The following PLK5 variants were observed in gnomAD, a reference collection of about 807,000 sequenced individuals.
PLK5 encodes the protein polo like kinase 5 (inactive).
Under a neutral mutation model 33.7 loss-of-function variants are expected in PLK5, and 28 were observed. The ratio of observed to expected loss-of-function variants is 0.83; its 90% CI spans 0.62 to 1.14. The LOEUF (loss-of-function observed/expected upper bound fraction) is 1.14, where lower values mean the gene tolerates loss of function less well. Ranked by LOEUF, PLK5 falls within the 50% of genes most tolerant of loss-of-function variation. PLK5 has a pLI of 0.00. For synonymous variants in PLK5, 225 were observed against 202.2 expected (o/e 1.11, Z -0.96); for missense variants, 492 against 461.5 (o/e 1.07, Z -0.61).
rs1423241512 is a variant in PLK5 at position 1,526,987 on chromosome 19, G to A, written c.-10G>A. On this transcript the variant is annotated 5_prime_UTR_variant, in exon 6 of 14. Transcript: ENST00000454744. ...CCTGCCAGTAGGACATCTGGGCTCTGGGCTGCATCATGTGAGTGGGGTCCT... is the reference window on the plus strand; with the variant it reads ...CCTGCCAGTAGGACATCTGGGCTCTAGGCTGCATCATGTGAGTGGGGTCCT... The A allele has an allele frequency of 1.3e-6, 2 of 1,535,206 alleles. No homozygotes were observed. The highest frequency in any genetic ancestry group is 1.2e-5 in the South Asian group (1 of 83,976).
chr19:1,534,664 A>G (rs1000383397), intron 13 of PLK5, among the ~76,000 whole-genome samples: 2 of 144,102 alleles, frequency 1.4e-5, no homozygotes, highest in Admixed American at 6.8e-5. Flanking sequence ...AAAAAAAAAA[A>G]AAATTAGCCG....
Position 1,535,013 on chromosome 19 carries a change from G to A in PLK5, c.826-52G>A, listed in dbSNP as rs1369705899. Reference sequence around the variant, plus strand: ...GTCCTTCTGGAGCGCCACGGCTGGAGGCAGGTGCAGGGGTACCCGTCTCCC... The same window carrying A: ...GTCCTTCTGGAGCGCCACGGCTGGAAGCAGGTGCAGGGGTACCCGTCTCCC... On this transcript the variant is annotated intron_variant, in intron 13 of 13. Coordinates refer to ENST00000454744, the MANE Select transcript of PLK5 (RefSeq NM_001243079.2). 2.8e-6 allele frequency: 4 copies of A among 1,422,166 alleles called. No homozygotes were observed. In the African/African-American group the frequency reaches 5.8e-5, roughly 21 times the overall value. The allele number at this position is 1,422,166 out of a possible 1,614,324, so 88.1% of individuals were successfully genotyped here.
At chr19:1,529,150 G>A in intron 9 of PLK5, 176 bp downstream of exon 9, 1 of 673,312 alleles carries the variant, frequency 1.5e-6, no homozygotes. Flanking sequence ...GTGTCCAAAT[G>A]TGCCCACCTG....
chr19:1,529,546 G>C, intron 10 of PLK5, 56 bp downstream of exon 10: 1 of 1,499,488 alleles, frequency 6.7e-7, no homozygotes, highest in Non-Finnish European at 9.0e-7. Flanking sequence ...GGAATTACAA[G>C]TGACAGGGGG....
chr19:1,532,242 C>A (rs1052338789), intron 12 of PLK5, among the ~76,000 whole-genome samples: 6 of 152,040 alleles, frequency 3.9e-5, no homozygotes, highest in African/African-American at 1.4e-4. Context: ...CCCATCCCTA[C>A]AAAAATTTTA....
In PLK5 at chr19:1,533,928, C is replaced by G; in HGVS notation, c.715-3C>G. ...ACGTGACCTCAGCCGAGTCTGTCCACAGGAGGGGACCCTCCCCACACCTGT... is the reference window on the plus strand; with the variant it reads ...ACGTGACCTCAGCCGAGTCTGTCCAGAGGAGGGGACCCTCCCCACACCTGT... On this transcript the variant is annotated splice_polypyrimidine_tract_variant and splice_region_variant and intron_variant, in intron 12 of 13. Coordinates refer to ENST00000454744, the MANE Select transcript of PLK5 (RefSeq NM_001243079.2). The G allele has an allele frequency of 6.5e-7, 1 of 1,532,662 alleles. No individual in the cohort carries two copies. Among genetic ancestry groups the G allele is most frequent in the South Asian group, 1.2e-5 (1 of 83,932 alleles). 94.9% of individuals were successfully genotyped at this position (1,532,662 alleles called of 1,614,324 possible). A position where few individuals can be genotyped will look rare whatever the true frequency, so the allele number is the denominator to read the frequency against.
chr19:1,535,331 A>ACAGCCCCTCT lies in PLK5; in HGVS notation c.*81_*82insCAGCCCCTCT. ...ATTTCCATTCCTGTGGCTCCCCCAG[A>ACAGCCCCTCT]GGGGCTGTCCTGGGGGAGGGCTGGG... On this transcript the variant is annotated 3_prime_UTR_variant, in exon 14 of 14. Transcript: ENST00000454744. The ACAGCCCCTCT allele has an allele frequency of 7.0e-7, 1 of 1,435,280 alleles. No homozygotes were observed. Among genetic ancestry groups the ACAGCCCCTCT allele is most frequent in the Non-Finnish European group, 9.3e-7 (1 of 1,078,068 alleles). The allele number at this position is 1,435,280 out of a possible 1,614,324, so 88.9% of individuals were successfully genotyped here.
chr19:1,530,207 C>T (rs1033932688), intron 11 of PLK5, among the ~76,000 whole-genome samples: 5 of 152,164 alleles, frequency 3.3e-5, no homozygotes, highest in African/African-American at 7.2e-5. Flanking sequence ...TCTCCCTGAG[C>T]CTCCACTGAC....
chr19:1,530,034 C>G (rs2656864), intron 11 of PLK5, among the ~76,000 whole-genome samples: 86,219 of 151,936 alleles, frequency 0.57, 25,540 homozygotes, highest in African/African-American at 0.75. Context: ...TTACGTTTCA[C>G]GGTCTCTTAA....
Position 1,529,586 on chromosome 19 carries a change from C to T in PLK5, c.490+96C>T, listed in dbSNP as rs1323896410. The T allele has an allele frequency of 4.9e-6, 7 of 1,430,390 alleles. No homozygotes were observed. In the East Asian group the frequency reaches 9.9e-5, roughly 20 times the overall value. The allele number at this position is 1,430,390 out of a possible 1,614,324, so 88.6% of individuals were successfully genotyped here. ...AGGCCGTGGCTTACCAGGGTCACAG[C>T]CGCCGTCCCGGCCTCACCTTTCCCG... On this transcript the variant is annotated intron_variant, in intron 10 of 13. Transcript: ENST00000454744.
In PLK5 at chr19:1,526,601, G is replaced by A. The variant is rs1022375179; in HGVS notation, c.-197G>A. 1.8e-5 allele frequency: 6 copies of A among 337,694 alleles called. No homozygotes were observed. In the East Asian group the frequency reaches 2.6e-4, roughly 14 times the overall value. The allele number at this position is 337,694 out of a possible 1,614,324, so 20.9% of individuals were successfully genotyped here. ...CTGCACCAGCGGTGCATCCTGCACC[G>A]CGACCTGAAGCTCAGTGAGTGCCAG... On this transcript the variant is annotated 5_prime_UTR_variant, in exon 4 of 14. Coordinates refer to ENST00000454744, the MANE Select transcript of PLK5 (RefSeq NM_001243079.2).
chr19:1,534,765 C>G (rs545183239), intron 13 of PLK5, among the ~76,000 whole-genome samples: 14 of 151,524 alleles, frequency 9.2e-5, no homozygotes, highest in Non-Finnish European at 1.5e-4. Flanking sequence ...TGCAGTGAGC[C>G]GAGATCGCGC....
At chr19:1,534,155 GA>G (rs34242824) in intron 13 of PLK5, 114 bp downstream of exon 13, 143,655 of 517,868 alleles carry the variant, frequency 0.28, 6,025 homozygotes, top group East Asian at 0.47. Flanking sequence ...TGCCTCCCAG[GA>G]AAAAAAAAAA....
intron 5 of PLK5, 46 bp downstream of exon 5, chr19:1,526,837 C>A: frequency 1.1e-6 from 1 of 903,748 alleles, no homozygotes; most frequent in Non-Finnish European, 1.7e-6. Context: ...CGGGTGGGCA[C>A]GGCTGGCCCT....
At chr19:1,532,812 G>A (rs541097740) in intron 12 of PLK5, among the ~76,000 whole-genome samples, 6 of 152,120 alleles carry the variant, frequency 3.9e-5, no homozygotes, top group South Asian at 2.1e-4. Flanking sequence ...ATGAGCCACC[G>A]CGCTCAGCCA....
In PLK5 at chr19:1,528,388, G is replaced by A. The variant is rs1913810491; in HGVS notation, c.288G>A (p.Arg96=). Residue 96 remains arginine (R), a synonymous_variant, in exon 8 of 14, where the codon CGG becomes CGA. Coordinates refer to ENST00000454744, the MANE Select transcript of PLK5 (RefSeq NM_001243079.2). ...AIPPPLGRIF[R]KVGQRLLTQC... is the part of the protein sequence containing the mutation. ...CCCCGCCTCTGGGCAGGATCTTCCG[G>A]AAGGTGGGCCAGCGGCTGCTCACCC... 6.5e-6 allele frequency: 10 copies of A among 1,535,440 alleles called. No homozygotes were observed. The South Asian group carries it at 1.2e-4, about 18-fold the overall frequency.
rs575420018 is a variant in PLK5 at position 1,531,820 on chromosome 19, C to T, written c.651C>T (p.Gly217=). 86 of 1,534,650 alleles carry T rather than the reference C, an allele frequency of 5.6e-5. 1 individual carries two copies. In the Middle Eastern group the frequency reaches 1.5e-3, roughly 27 times the overall value. The change falls in exon 12 of 14, where the codon GGC becomes GGT. Residue 217 remains glycine, a synonymous_variant. Transcript: ENST00000454744. ...WVDYSSKYGF[G]YQLLDGGRTG... ...ATTATTCCAGCAAATACGGCTTTGG[C>T]TACCAGCTCTTGGACGGGGGGCGCA...
rs57882577 is a variant in PLK5 at position 1,524,600 on chromosome 19, CGTGTGT to C, written c.-544+381_-544+386del. ...AAGTGTCTGGGTGCTGTGCGGTGTT[CGTGTGT>C]GTGTGTGTGTGTGTGTGTGTGTGTG... On this transcript the variant is annotated intron_variant, in intron 1 of 13. Transcript: ENST00000454744. The surrounding 1 kb of genome is among the most constrained non-coding windows in gnomAD (Gnocchi z 4.5). Among the ~76,000 whole-genome samples, 2,006 of 150,002 alleles carry C rather than the reference CGTGTGT, an allele frequency of 0.013. 29 individuals carry two copies. The highest frequency in any genetic ancestry group is 0.022 in the African/African-American group (905 of 40,832).
At chr19:1,533,329 G>A (rs973977082) in intron 12 of PLK5, among the ~76,000 whole-genome samples, 8 of 152,026 alleles carry the variant, frequency 5.3e-5, no homozygotes, top group African/African-American at 1.9e-4. Context: ...GACCTCAGGT[G>A]ATCCTCCCAC....
Sources: allele counts gnomAD v4.1 joint callset (sites outside exome capture counted in the v4.1 genomes callset), GRCh38; gene constraint gnomAD v4.1.1; non-coding constraint Gnocchi (gnomAD v3.1); transcripts MANE v1.5; gene names NCBI Gene and HGNC (gene_info 2026-07-23, HGNC 2026-07-21).